MLXIPL: variants seen among roughly 807,000 people sequenced by gnomAD.
The protein encoded by MLXIPL is MLX interacting protein like, also known as carbohydrate-responsive element-binding protein.
A neutral mutation model predicts 81.5 loss-of-function variants in MLXIPL; 49 were observed. The observed-to-expected ratio is 0.60, with a 90% CI of 0.48 to 0.76. The LOEUF is 0.76. MLXIPL is among the 30% of genes least tolerant of loss of function. The probability of loss-of-function intolerance (pLI) is 0.00; values close to 1 mark genes in which losing one functional copy is unlikely to be tolerated. For missense variants in MLXIPL, 1,053 were observed against 1,167.0 expected, an observed-to-expected ratio of 0.90 and a Z score of 1.42; for synonymous variants, 466 against 485.5, an observed-to-expected ratio of 0.96 and a Z score of 0.53.
chr7:73,645,111 C>G, the MLXIPL span, among the ~76,000 whole-genome samples: 256 of 152,190 alleles, frequency 1.7e-3, no homozygotes, highest in South Asian at 3.7e-3. Flanking sequence ...ACTGCAGCCT[C>G]AAACTCCTGG....
At position 73,607,421 on chromosome 7, in the gene MLXIPL, C is replaced by T; in HGVS notation, c.484-1G>A. The stretch of plus-strand genomic sequence containing the variant: ...AGTAGTTCCCCTCCAGGACCACGGC[C>T]TGGGGTAGGGGCCGGGGGAGGGGGA... On this transcript the variant is annotated splice_acceptor_variant, in intron 3 of 16. Transcript: ENST00000313375. LOFTEE classifies it high-confidence loss of function. 1 of 1,555,700 alleles carries T rather than the reference C, an allele frequency of 6.4e-7. No homozygotes were observed. The highest frequency in any genetic ancestry group is 8.7e-7 in the Non-Finnish European group (1 of 1,149,216).
In MLXIPL at chr7:73,596,380, C is replaced by T. The variant is rs782066547; in HGVS notation, c.1922G>A (p.Arg641His). Residue 641 changes from arginine (R) to histidine (H), a missense_variant, in exon 12 of 17, where the codon CGT becomes CAT. This residue lies in a region of MLXIPL where 823 missense variants were observed against 933.0 expected (regional missense o/e 0.88). Transcript: ENST00000313375. The surrounding 1 kb of genome is among the most constrained non-coding windows in gnomAD (Gnocchi z 4.7). ...GGTGCCCACCTTGTTGCTGTCTGGA[C>T]GGCCCCGGCTGAGGATGGGTTGCGG... is the stretch of plus-strand genomic sequence containing the variant. ...SPPQPILSRG[R>H]PDSNKTENRR... The T allele has an allele frequency of 1.1e-5, 17 of 1,612,538 alleles. No individual in the cohort carries two copies. The highest frequency in any genetic ancestry group is 3.3e-5 in the South Asian group (3 of 91,046).
upstream of MLXIPL, among the ~76,000 whole-genome samples, chr7:73,628,047 C>G (rs1220301394): frequency 6.6e-6 from 1 of 152,010 alleles, no homozygotes; most frequent in Non-Finnish European, 1.5e-5. Context: ...GTCTCGAGCA[C>G]CTGGGCTCAA....
chr7:73,617,133 G>A (rs1438789123), intron 1 of MLXIPL, among the ~76,000 whole-genome samples: 2 of 151,954 alleles, frequency 1.3e-5, no homozygotes, highest in Admixed American at 6.6e-5. Context: ...CTCGTGCCTC[G>A]GCCTCCCGAG....
At chr7:73,634,999 T>G in the MLXIPL span, among the ~76,000 whole-genome samples, 1 of 147,028 alleles carries the variant, frequency 6.8e-6, no homozygotes, top group Non-Finnish European at 1.5e-5. Context: ...TTTTTTTTTG[T>G]ATTTTTAGTA....
upstream of MLXIPL, among the ~76,000 whole-genome samples, chr7:73,628,787 C>T (rs372970681): frequency 2.2e-4 from 34 of 152,346 alleles, no homozygotes; most frequent in African/African-American, 7.5e-4. Flanking sequence ...AGTTTACAGC[C>T]TCTGTACAAA....
chr7:73,618,316 C>T (rs1276888256), intron 1 of MLXIPL, among the ~76,000 whole-genome samples: 1 of 152,190 alleles, frequency 6.6e-6, no homozygotes, highest in African/African-American at 2.4e-5. Flanking sequence ...AGGCTGGTCT[C>T]GAACTCCTGA....
intron 7 of MLXIPL, among the ~76,000 whole-genome samples, chr7:73,601,528 T>A (rs1192418618): frequency 1.3e-5 from 2 of 151,828 alleles, no homozygotes; most frequent in African/African-American, 4.8e-5. Flanking sequence ...GGGAAAGGGG[T>A]GCAGGGCGAG....
rs1484971820 is a variant in MLXIPL at position 73,623,539 on chromosome 7, C to T, written c.293+661G>A. 1.3e-5 allele frequency among the ~76,000 whole-genome samples: 2 copies of T among 152,114 alleles called. No homozygotes were observed. Among genetic ancestry groups the T allele is most frequent in the African/African-American group, 2.4e-5 (1 of 41,430 alleles). ...GACGTGGGTAGGCGAACCCAGGCCT[C>T]CCGGGCACCGGCGTAACCTCTGCGA... On this transcript the variant is annotated intron_variant, in intron 1 of 16. Coordinates refer to ENST00000313375, the MANE Select transcript of MLXIPL (RefSeq NM_032951.3). This position sits in a 1 kb window ranked among gnomAD's most constrained non-coding sequence, Gnocchi z 5.7.
Position 73,624,505 on chromosome 7 carries a change from C to A in MLXIPL, c.-13G>T. On this transcript the variant is annotated 5_prime_UTR_variant, in exon 1 of 17. Coordinates refer to ENST00000313375, the MANE Select transcript of MLXIPL (RefSeq NM_032951.3). ...GCGCGCCGGCCATGGCTGTCGCCGC[C>A]GCAACCGCCTGGTCCCTGCTCCGCG... 1.3e-6 allele frequency: 2 copies of A among 1,524,078 alleles called. No individual in the cohort carries two copies. Among genetic ancestry groups the A allele is most frequent in the Non-Finnish European group, 8.8e-7 (1 of 1,142,700 alleles). The allele number at this position is 1,524,078 out of a possible 1,614,324, so 94.4% of individuals were successfully genotyped here.
intron 1 of MLXIPL, among the ~76,000 whole-genome samples, chr7:73,621,665 C>T (rs1796355996): frequency 6.7e-6 from 1 of 148,932 alleles, no homozygotes; most frequent in Non-Finnish European, 1.5e-5. Context: ...CGAGCCAACC[C>T]TCCATCTCCC....
At chr7:73,615,442 G>C (rs782777050) in intron 2 of MLXIPL, among the ~76,000 whole-genome samples, 1 of 152,198 alleles carries the variant, frequency 6.6e-6, no homozygotes, top group Non-Finnish European at 1.5e-5. Context: ...ATGCTAATGG[G>C]ATGCAAAATG....
the MLXIPL span, among the ~76,000 whole-genome samples, chr7:73,634,413 A>T: frequency 6.6e-6 from 1 of 151,994 alleles, no homozygotes; most frequent in African/African-American, 2.4e-5. Context: ...TTTTTTTGAG[A>T]CAGAGTCTTA....
the MLXIPL span, among the ~76,000 whole-genome samples, chr7:73,634,938 C>T: frequency 6.6e-6 from 1 of 151,062 alleles, no homozygotes; most frequent in Admixed American, 6.6e-5. Context: ...GCCTCAGCCT[C>T]CCGAGTAGCT....
chr7:73,633,699 C>T, the MLXIPL span, among the ~76,000 whole-genome samples: 9 of 152,194 alleles, frequency 5.9e-5, no homozygotes, highest in African/African-American at 1.9e-4. Context: ...AGCAATCCTC[C>T]TGCCTCAGCC....
At chr7:73,627,250 C>CTTTT (rs869038650), upstream of MLXIPL, among the ~76,000 whole-genome samples, 1 of 133,920 alleles carries the variant, frequency 7.5e-6, no homozygotes, top group Non-Finnish European at 1.6e-5. Context: ...AAGTGGCCCT[C>CTTTT]TTTTTTTTTT....
the MLXIPL span, among the ~76,000 whole-genome samples, chr7:73,637,734 G>A: frequency 6.6e-6 from 1 of 152,170 alleles, no homozygotes; most frequent in Non-Finnish European, 1.5e-5. Context: ...AACTTCCTGT[G>A]AGCTCATGTT....
At chr7:73,631,933 CT>C in the MLXIPL span, among the ~76,000 whole-genome samples, 3 of 111,812 alleles carry the variant, frequency 2.7e-5, no homozygotes, top group East Asian at 2.3e-4. Context: ...CTCCCCTCCC[CT>C]CCTCTTCTTT....
At chr7:73,602,522 A>T (rs1794964466) in intron 7 of MLXIPL, among the ~76,000 whole-genome samples, 1 of 150,776 alleles carries the variant, frequency 6.6e-6, no homozygotes, top group African/African-American at 2.5e-5. Context: ...AAAAAAAAAA[A>T]TACAAAAATT....
Sources: allele counts gnomAD v4.1 joint callset (sites outside exome capture counted in the v4.1 genomes callset), GRCh38; gene constraint gnomAD v4.1.1; regional missense constraint gnomAD v4.1.1; non-coding constraint Gnocchi (gnomAD v3.1); transcripts MANE v1.5; gene names NCBI Gene and HGNC (gene_info 2026-07-23, HGNC 2026-07-21).